The following NSL1 variants were observed in gnomAD, a reference collection of about 807,000 sequenced individuals.
NSL1 encodes NSL1 component of MIS12 kinetochore complex.
Under a neutral mutation model 25.4 loss-of-function variants are expected in NSL1, and 11 were observed. That is an observed-to-expected ratio of 0.43 (90% CI 0.27 to 0.72). The LOEUF (loss-of-function observed/expected upper bound fraction) is 0.72, where lower values mean the gene tolerates loss of function less well. Ranked by LOEUF, NSL1 falls within the 30% of genes least tolerant of loss-of-function variation. The pLI, the probability that NSL1 is intolerant of heterozygous loss-of-function variation, is 0.19. For synonymous variants in NSL1, 118 were observed against 120.6 expected, an observed-to-expected ratio of 0.98 and a Z score of 0.14; for missense variants, 330 against 342.7, an observed-to-expected ratio of 0.96 and a Z score of 0.29.
Position 212,735,971 on chromosome 1 carries a change from C to T in NSL1, c.*2437G>A. 1.0e-6 allele frequency: 1 copy of T among 985,380 alleles called. No homozygotes were observed. The highest frequency in any genetic ancestry group is 5.2e-4 in the Middle Eastern group (1 of 1,914). The allele number at this position is 985,380 out of a possible 1,614,324, so 61.0% of individuals were successfully genotyped here. ...AAATAAACAAATGTAGATTTTGGTA[C>T]CAGTTTTCAGAAACCAGCTTTGACA... On this transcript the variant is annotated 3_prime_UTR_variant, in exon 6 of 6. Transcript: ENST00000366977.
In NSL1 at chr1:212,784,406, A is replaced by C. The variant is rs1009437637; in HGVS notation, c.401T>G (p.Leu134Arg). The C allele has an allele frequency of 3.8e-6, 6 of 1,597,500 alleles. No homozygotes were observed. Among genetic ancestry groups the C allele is most frequent in the African/African-American group, 1.3e-5 (1 of 74,642 alleles). Residue 134 changes from leucine (L) to arginine (R), a missense_variant, in exon 3 of 6, where the codon CTG becomes CGG. Transcript: ENST00000366977. ...TKRKQYPRKILECVIKTIKAK... is the reference protein window; with the variant it reads ...TKRKQYPRKIRECVIKTIKAK... Reference sequence around the variant, plus strand: ...TTTTATGGTTTTGATGACACATTCCAGGATCTTTCTGGGATACTGCTTACG... The same window carrying C: ...TTTTATGGTTTTGATGACACATTCCCGGATCTTTCTGGGATACTGCTTACG...
In NSL1 at chr1:212,745,879, C is replaced by A. The variant is rs541921819; in HGVS notation, c.500-6278G>T. Among the ~76,000 whole-genome samples, 4 of 152,214 alleles carry A rather than the reference C, an allele frequency of 2.6e-5. No homozygotes were observed. The South Asian group carries it at 8.3e-4, about 32-fold the overall frequency. On this transcript the variant is annotated intron_variant, in intron 4 of 5. Transcript: ENST00000366977. ...ACTCAGGAGACTGAGGTGGATGGAT[C>A]ACCTGAGCCCAGGGAGGCTGAGGCT...
intron 4 of NSL1, among the ~76,000 whole-genome samples, chr1:212,780,344 G>A (rs1660670914): frequency 6.6e-6 from 1 of 151,706 alleles, no homozygotes. Flanking sequence ...CTAATCTCAA[G>A]TACCCAGGGA....
chr1:212,736,517 C>CT lies in NSL1; in HGVS notation c.*1890dup. 1 of 984,914 alleles carries CT rather than the reference C, an allele frequency of 1.0e-6. No individual in the cohort carries two copies. The highest frequency in any genetic ancestry group is 1.2e-6 in the Non-Finnish European group (1 of 829,520). The allele number at this position is 984,914 out of a possible 1,614,324, so 61.0% of individuals were successfully genotyped here. On this transcript the variant is annotated 3_prime_UTR_variant, in exon 6 of 6. Coordinates refer to ENST00000366977, the MANE Select transcript of NSL1 (RefSeq NM_015471.4). ...GCAACTTCTCCTCTTACACAGTATA[C>CT]TTATTCAATATTATTACTGCTATTG...
Position 212,738,206 on chromosome 1 carries a change from C to A in NSL1, c.*202G>T. On this transcript the variant is annotated 3_prime_UTR_variant, in exon 6 of 6. Coordinates refer to ENST00000366977, the MANE Select transcript of NSL1 (RefSeq NM_015471.4). Reference sequence around the variant, plus strand: ...CTTTGTGTCAATACTTTTTAAAATGCTTTTTATTTACAATAGATAAAACAG... The same window carrying A: ...CTTTGTGTCAATACTTTTTAAAATGATTTTTATTTACAATAGATAAAACAG... 2 of 1,306,272 alleles carry A rather than the reference C, an allele frequency of 1.5e-6. No individual in the cohort carries two copies. The highest frequency in any genetic ancestry group is 1.9e-6 in the Non-Finnish European group (2 of 1,030,662). The allele number at this position is 1,306,272 out of a possible 1,614,324, so 80.9% of individuals were successfully genotyped here.
rs538369743 is a variant in NSL1 at position 212,736,820 on chromosome 1, G to A, written c.*1588C>T. 2 of 985,312 alleles carry A rather than the reference G, an allele frequency of 2.0e-6. No individual in the cohort carries two copies. The highest frequency in any genetic ancestry group is 3.5e-5 in the African/African-American group (2 of 57,336). 61.0% of individuals were successfully genotyped at this position (985,312 alleles called of 1,614,324 possible). A position where few individuals can be genotyped will look rare whatever the true frequency, so the allele number is the denominator to read the frequency against. Reference sequence around the variant, plus strand: ...CCTTGTTTCTCTGCTGAATACTTCAGAGCAAATCTATCATGTCATTTAAAA... The same window carrying A: ...CCTTGTTTCTCTGCTGAATACTTCAAAGCAAATCTATCATGTCATTTAAAA... On this transcript the variant is annotated 3_prime_UTR_variant, in exon 6 of 6. Transcript: ENST00000366977.
rs397713067 is a variant in NSL1, at chr1:212,732,046, T to TA, written c.*6361dup. 1.3e-5 allele frequency: 13 copies of TA among 967,926 alleles called. No homozygotes were observed. The highest frequency in any genetic ancestry group is 1.1e-4 in the African/African-American group (6 of 55,052). 60.0% of individuals were successfully genotyped at this position (967,926 alleles called of 1,614,324 possible). A position where few individuals can be genotyped will look rare whatever the true frequency, so the allele number is the denominator to read the frequency against. On this transcript the variant is annotated 3_prime_UTR_variant, in exon 6 of 6. Coordinates refer to ENST00000366977, the MANE Select transcript of NSL1 (RefSeq NM_015471.4). ...TGTCCCAATTTTTTTTTTTTTTTTT[T>TA]ACTGAATTCAGATTCAGGGTTTTTA...
intron 2 of NSL1, among the ~76,000 whole-genome samples, chr1:212,786,416 TA>T (rs928101496): frequency 3.8e-3 from 541 of 141,524 alleles, no homozygotes; most frequent in South Asian, 8.1e-3. Flanking sequence ...CACAATTAGT[TA>T]AAAAAAAAAA....
chr1:212,790,472 C>T (rs1440049667), intron 1 of NSL1, among the ~76,000 whole-genome samples: 4 of 152,124 alleles, frequency 2.6e-5, no homozygotes, highest in Non-Finnish European at 1.5e-5. Flanking sequence ...TTTTGCAAAG[C>T]CCTGAAGGTG....
At chr1:212,777,220 T>A (rs1160553228) in intron 4 of NSL1, among the ~76,000 whole-genome samples, 2 of 151,578 alleles carry the variant, frequency 1.3e-5, no homozygotes, top group African/African-American at 2.4e-5. Flanking sequence ...CAAAAAAAAA[T>A]TTTTTAACTA....
At chr1:212,790,747 C>G (rs1363805661) in intron 1 of NSL1, among the ~76,000 whole-genome samples, 5 of 151,702 alleles carry the variant, frequency 3.3e-5, no homozygotes, top group Non-Finnish European at 5.9e-5. Flanking sequence ...ACGGTGAAAC[C>G]CTGTCTCTAC....
intron 4 of NSL1, among the ~76,000 whole-genome samples, chr1:212,764,665 G>A (rs773658206): frequency 4.6e-5 from 7 of 151,706 alleles, no homozygotes; most frequent in Non-Finnish European, 5.9e-5. Flanking sequence ...GGACAACATG[G>A]TGAAACCCTC....
intron 3 of NSL1, 91 bp from the exon 4 acceptor site, chr1:212,782,517 C>G (rs895934051): frequency 7.6e-6 from 7 of 924,106 alleles, no homozygotes; most frequent in Non-Finnish European, 1.2e-5. Context: ...ACTATAGAGT[C>G]AGTACCATTC....
At chr1:212,744,067 G>A (rs1464592900) in intron 4 of NSL1, among the ~76,000 whole-genome samples, 1 of 152,194 alleles carries the variant, frequency 6.6e-6, no homozygotes, top group Non-Finnish European at 1.5e-5. Context: ...CGAAGCAGCA[G>A]ATGCAGCGTG....
chr1:212,767,939 G>A (rs1358624289), intron 4 of NSL1, among the ~76,000 whole-genome samples: 2 of 152,336 alleles, frequency 1.3e-5, no homozygotes, highest in Non-Finnish European at 2.9e-5. Context: ...TGGCATGGCT[G>A]TGTTGAGAAG....
At chr1:212,777,399 T>C (rs567355691) in intron 4 of NSL1, among the ~76,000 whole-genome samples, 29 of 150,248 alleles carry the variant, frequency 1.9e-4, no homozygotes, top group Admixed American at 1.7e-3. Context: ...TAGAACAAGA[T>C]GTCAAGAAAA....
Position 212,732,064 on chromosome 1 carries a change from G to T in NSL1, c.*6344C>A, listed in dbSNP as rs1658040336. ...TTTTTTTTACTGAATTCAGATTCAGGGTTTTTATTATTATGGCTATATAAA... is the reference window on the plus strand; with the variant it reads ...TTTTTTTTACTGAATTCAGATTCAGTGTTTTTATTATTATGGCTATATAAA... On this transcript the variant is annotated 3_prime_UTR_variant, in exon 6 of 6. Coordinates refer to ENST00000366977, the MANE Select transcript of NSL1 (RefSeq NM_015471.4). 1.2e-5 allele frequency: 11 copies of T among 950,604 alleles called. No individual in the cohort carries two copies. The South Asian group carries it at 4.5e-4, about 39-fold the overall frequency. The allele number at this position is 950,604 out of a possible 1,614,324, so 58.9% of individuals were successfully genotyped here. A position where few individuals can be genotyped will look rare whatever the true frequency, so the allele number is the denominator to read the frequency against.
rs546480737 is a variant in NSL1, at chr1:212,733,425, T to C, written c.*4983A>G. ...CCAGCTTGGGCAACACAGCAAGACC[T>C]TGTTTCACAAAAAAAAAAAAAAAAA... On this transcript the variant is annotated 3_prime_UTR_variant, in exon 6 of 6. Transcript: ENST00000366977. 2.9e-3 allele frequency among the ~76,000 whole-genome samples: 276 copies of C among 96,576 alleles called. 1 individual carries two copies. The highest frequency in any genetic ancestry group is 3.2e-3 in the Non-Finnish European group (157 of 48,964). 63.4% of individuals were successfully genotyped at this position (96,576 alleles called of 152,430 possible). A position where few individuals can be genotyped will look rare whatever the true frequency, so the allele number is the denominator to read the frequency against.
intron 4 of NSL1, among the ~76,000 whole-genome samples, chr1:212,778,993 G>A (rs1213979707): frequency 1.3e-5 from 2 of 151,634 alleles, no homozygotes; most frequent in Non-Finnish European, 2.9e-5. Flanking sequence ...TAGGAAGTGA[G>A]GAGCGTCTCT....
Sources: allele counts gnomAD v4.1 joint callset (sites outside exome capture counted in the v4.1 genomes callset), GRCh38; gene constraint gnomAD v4.1.1; transcripts MANE v1.5; gene names NCBI Gene and HGNC (gene_info 2026-07-23, HGNC 2026-07-21).